Variants in ZNF91 observed in about 807,000 individuals in gnomAD.
The protein encoded by ZNF91 is zinc finger protein 91.
A neutral mutation model predicts 12.6 loss-of-function variants in ZNF91; 7 were observed. The ratio of observed to expected loss-of-function variants is 0.55; its 90% CI spans 0.31 to 1.04. ZNF91 has a LOEUF of 1.04. Ranked by LOEUF, ZNF91 falls within the 50% of genes least tolerant of loss-of-function variation. The pLI is 0.05. For missense variants in ZNF91, 1,217 were observed against 1,385.4 expected (o/e 0.88, Z 1.93); for synonymous variants, 453 against 462.6 (o/e 0.98, Z 0.27).
At chr19:23,334,203 G>A (rs1967967779), downstream of ZNF91, among the ~76,000 whole-genome samples, 1 of 152,166 alleles carries the variant, frequency 6.6e-6, no homozygotes, top group South Asian at 2.1e-4. Context: ...TGAGGACAGG[G>A]TAGGACAAGA....
At chr19:23,387,117 G>C (rs1430696711) in intron 1 of ZNF91, among the ~76,000 whole-genome samples, 2 of 152,178 alleles carry the variant, frequency 1.3e-5, no homozygotes, top group African/African-American at 2.4e-5. Flanking sequence ...ACACCAGTGA[G>C]AACAGCTATT....
At chr19:23,373,192 C>G (rs1969351333) in intron 3 of ZNF91, among the ~76,000 whole-genome samples, 1 of 151,996 alleles carries the variant, frequency 6.6e-6, no homozygotes, top group Non-Finnish European at 1.5e-5. Flanking sequence ...TCTTTACAGT[C>G]ACCGATGCAA....
At chr19:23,375,369 C>A (rs1206503619) in intron 1 of ZNF91, among the ~76,000 whole-genome samples, 1 of 152,072 alleles carries the variant, frequency 6.6e-6, no homozygotes, top group East Asian at 1.9e-4. Flanking sequence ...CTGTGTTAGC[C>A]AGGATGGTCT....
rs565819166 is a variant in ZNF91 at position 23,350,903 on chromosome 19, A to T, written c.254-11849T>A. Among the ~76,000 whole-genome samples the T allele has an allele frequency of 2.0e-5, 3 of 152,252 alleles. No individual in the cohort carries two copies. In the South Asian group the frequency reaches 6.2e-4, roughly 32 times the overall value. ...CCATTTCAGGCCTCAGCCCGCCTGCACCGAGATGCTCATTAAAACAGTGTG... is the reference window on the plus strand; with the variant it reads ...CCATTTCAGGCCTCAGCCCGCCTGCTCCGAGATGCTCATTAAAACAGTGTG... On this transcript the variant is annotated intron_variant, in intron 3 of 3. Transcript: ENST00000599743.
intron 1 of ZNF91, among the ~76,000 whole-genome samples, chr19:23,389,187 A>G (rs927957669): frequency 2.6e-5 from 4 of 152,172 alleles, no homozygotes; most frequent in African/African-American, 9.6e-5. Context: ...GGTAGGGAAG[A>G]GTACACTCCA....
intron 1 of ZNF91, among the ~76,000 whole-genome samples, chr19:23,390,691 GC>G (rs1599762114): frequency 6.6e-6 from 1 of 152,074 alleles, no homozygotes; most frequent in East Asian, 1.9e-4. Context: ...TGTCCAAGTA[GC>G]TCTGACCACA....
At chr19:23,344,963 G>A (rs201672366) in intron 3 of ZNF91, among the ~76,000 whole-genome samples, 23 of 152,230 alleles carry the variant, frequency 1.5e-4, no homozygotes, top group East Asian at 3.9e-4. Flanking sequence ...CATGCCCCTC[G>A]GTCACTGATC....
At chr19:23,394,885 CTT>C (rs1290968175) in intron 1 of ZNF91, among the ~76,000 whole-genome samples, 2 of 152,250 alleles carry the variant, frequency 1.3e-5, no homozygotes, top group Non-Finnish European at 2.9e-5. Flanking sequence ...TTGAATCACT[CTT>C]TGATTAAATT....
At chr19:23,383,814 A>C (rs570364128) in intron 1 of ZNF91, among the ~76,000 whole-genome samples, 1 of 152,298 alleles carries the variant, frequency 6.6e-6, no homozygotes, top group South Asian at 2.1e-4. Flanking sequence ...GCAAAAGATA[A>C]AAATAAAAGG....
chr19:23,306,490 T>C (rs1182312004), intron 3 of ZNF91, among the ~76,000 whole-genome samples: 2 of 136,240 alleles, frequency 1.5e-5, no homozygotes, highest in Non-Finnish European at 3.2e-5. Context: ...CCAGGTGATG[T>C]GAATCTTCTG....
At chr19:23,375,246 C>T (rs1000561010) in intron 1 of ZNF91, among the ~76,000 whole-genome samples, 5 of 151,930 alleles carry the variant, frequency 3.3e-5, no homozygotes, top group East Asian at 1.9e-4. Flanking sequence ...CTGCAAGCTC[C>T]GCCTCCCGGG....
chr19:23,336,025 C>A (rs1568371923), downstream of ZNF91, among the ~76,000 whole-genome samples: 3 of 152,134 alleles, frequency 2.0e-5, no homozygotes, highest in African/African-American at 7.2e-5. Context: ...GAAACAAGAG[C>A]TTTCTAACAC....
chr19:23,329,524 GT>G (rs1967890992), intron 1 of ZNF91, among the ~76,000 whole-genome samples: 1 of 152,206 alleles, frequency 6.6e-6, no homozygotes, highest in African/African-American at 2.4e-5. Context: ...TAAAGTTTAT[GT>G]AGTAAACGGA....
intron 1 of ZNF91, among the ~76,000 whole-genome samples, chr19:23,321,385 ATTCT>A (rs1967691392): frequency 6.6e-6 from 1 of 152,132 alleles, no homozygotes; most frequent in Non-Finnish European, 1.5e-5. Flanking sequence ...CACATCACTC[ATTCT>A]AACACTTAGG....
chr19:23,376,845 A>G (rs115026035), intron 1 of ZNF91, among the ~76,000 whole-genome samples: 1,524 of 152,060 alleles, frequency 0.01, 37 homozygotes, highest in African/African-American at 0.035. Context: ...AAAAAAAGCC[A>G]TTTTTTCTCT....
chr19:23,392,322 A>G (rs1036637562), intron 1 of ZNF91, among the ~76,000 whole-genome samples: 3 of 151,520 alleles, frequency 2.0e-5, no homozygotes, highest in Non-Finnish European at 4.4e-5. Flanking sequence ...CCTGAACCCA[A>G]AAGGCAGAGG....
At chr19:23,329,360 C>A (rs1481586524) in intron 1 of ZNF91, among the ~76,000 whole-genome samples, 1 of 152,130 alleles carries the variant, frequency 6.6e-6, no homozygotes, top group Non-Finnish European at 1.5e-5. Flanking sequence ...CAGAGCAGTT[C>A]TGATGCTAAT....
chr19:23,362,513 A>G lies in ZNF91; in HGVS notation c.466T>C (p.Cys156Arg). ...LTTAQSKVFQ[C>R]GKYLKVFYKF... ...TAGAAGACTTTCAAATATTTCCCAC[A>G]TTGAAATACTTTGCTCTGGGCAGTT... Residue 156 changes from cysteine to arginine, a missense_variant, in exon 4 of 4, where the codon TGT becomes CGT. By Grantham distance (180) the Cys-to-Arg change is radical (BLOSUM62 -3). Transcript: ENST00000300619. 1 of 1,603,714 alleles carries G rather than the reference A, an allele frequency of 6.2e-7. No individual in the cohort carries two copies. The highest frequency in any genetic ancestry group is 1.1e-5 in the South Asian group (1 of 89,644).
At chr19:23,368,566 A>ATATATATG (rs1969124546) in intron 3 of ZNF91, among the ~76,000 whole-genome samples, 1 of 139,694 alleles carries the variant, frequency 7.2e-6, no homozygotes, top group African/African-American at 2.9e-5. Flanking sequence ...CTCTCTCTAT[A>ATATATATG]TATATATGAA....
Sources: gnomAD v4.1 joint callset for allele counts (sites outside exome capture counted in the v4.1 genomes callset) on GRCh38, gnomAD v4.1.1 for gene constraint, MANE v1.5 for transcripts, NCBI Gene and HGNC (gene_info 2026-07-23, HGNC 2026-07-21) for gene names.